The following SHANK2 variants were observed in gnomAD, a reference collection of about 807,000 sequenced individuals.
The protein encoded by SHANK2 is SH3 and multiple ankyrin repeat domains protein 2.
SHANK2 carries 43 observed loss-of-function variants against 133.7 expected under a neutral mutation model. The observed-to-expected ratio is 0.32, with a 90% CI of 0.25 to 0.41. SHANK2 has a LOEUF of 0.41. Ranked by LOEUF, SHANK2 falls within the 10% of genes least tolerant of loss-of-function variation. SHANK2 has a pLI of 1.00. For synonymous variants in SHANK2, 1,017 were observed against 952.8 expected (o/e 1.07, Z -1.24); for missense variants, 1,994 against 2,235.8 (o/e 0.89, Z 2.18).
intron 17 of SHANK2, among the ~76,000 whole-genome samples, chr11:70,657,872 G>C (rs2061422693): frequency 6.6e-6 from 1 of 152,178 alleles, no homozygotes; most frequent in South Asian, 2.1e-4. Context: ...CGACAGGACA[G>C]GTCCACCTTC....
In SHANK2 at chr11:70,551,333, G is replaced by A. The variant is rs573751621; in HGVS notation, c.2062-48402C>T. Reference sequence around the variant, plus strand: ...GCTGCCCCTCCCCCTCCCTCCCACCGCCTCCCCCATCTCCACCCGGCCAGT... The same window carrying A: ...GCTGCCCCTCCCCCTCCCTCCCACCACCTCCCCCATCTCCACCCGGCCAGT... On this transcript the variant is annotated intron_variant, in intron 17 of 25. Transcript: ENST00000601538. 4.8e-4 allele frequency among the ~76,000 whole-genome samples: 38 copies of A among 79,312 alleles called. No individual in the cohort carries two copies. In the East Asian group the frequency reaches 0.012, roughly 25 times the overall value. The allele number at this position is 79,312 out of a possible 152,430, so 52.0% of individuals were successfully genotyped here.
chr11:71,096,595 C>T (rs1389343122), intron 6 of SHANK2, among the ~76,000 whole-genome samples: 3 of 152,068 alleles, frequency 2.0e-5, no homozygotes, highest in Non-Finnish European at 4.4e-5. Flanking sequence ...GACTGATCCT[C>T]GAAGGGCACG....
At chr11:70,742,797 C>T (rs1395829698) in intron 14 of SHANK2, among the ~76,000 whole-genome samples, 1 of 152,212 alleles carries the variant, frequency 6.6e-6, no homozygotes, top group Non-Finnish European at 1.5e-5. Flanking sequence ...GCAGGCATGG[C>T]CACTCCCTGC....
At position 70,826,629 on chromosome 11, in the gene SHANK2, T is replaced by G. The variant is rs774701333; in HGVS notation, c.1175-5947A>C. The G allele has an allele frequency of 1.6e-5, 7 of 449,808 alleles. No individual in the cohort carries two copies. The Admixed American group carries it at 1.7e-4, about 11-fold the overall frequency. 27.9% of individuals were successfully genotyped at this position (449,808 alleles called of 1,614,324 possible). A position where few individuals can be genotyped will look rare whatever the true frequency, so the allele number is the denominator to read the frequency against. ...GACCCGGGGAGAGGTGGCGGGTGTC[T>G]GGGCACGGTGCACTTCCGAGCATAG... On this transcript the variant is annotated intron_variant, in intron 11 of 25. Coordinates refer to ENST00000601538, the MANE Select transcript of SHANK2 (RefSeq NM_012309.5).
intron 7 of SHANK2, 63 bp from the exon 8 acceptor site, chr11:71,092,652 G>C: frequency 6.7e-7 from 1 of 1,502,392 alleles, no homozygotes; most frequent in Non-Finnish European, 9.0e-7. Flanking sequence ...AGAGTGAGGT[G>C]ATCCAGAAAG....
intron 15 of SHANK2, among the ~76,000 whole-genome samples, chr11:70,683,540 TA>T (rs1338980952): frequency 3.3e-5 from 5 of 152,200 alleles, no homozygotes; most frequent in African/African-American, 4.8e-5. Context: ...CCGGGTGGTT[TA>T]AACAGCAGAA....
In SHANK2 at chr11:70,486,296, C is replaced by T. The variant is rs782616036; in HGVS notation, c.3997G>A (p.Glu1333Lys). The part of the protein sequence containing the change: ...KLDNALQEED[E>K]KAEVEMKPDS... Reference sequence around the variant, plus strand: ...GGCTTCATCTCCACCTCTGCCTTCTCGTCCTCTTCCTGCAGGGCGTTGTCC... The same window carrying T: ...GGCTTCATCTCCACCTCTGCCTTCTTGTCCTCTTCCTGCAGGGCGTTGTCC... Residue 1333 changes from glutamate to lysine, a missense_variant, in exon 25 of 26, where the codon GAG (glutamate) becomes AAG (lysine). By Grantham distance (56) the Glu-to-Lys change is moderately conservative. Coordinates refer to ENST00000601538, the MANE Select transcript of SHANK2 (RefSeq NM_012309.5). The surrounding 1 kb of genome is among the most constrained non-coding windows in gnomAD (Gnocchi z 8.0). The T allele has an allele frequency of 2.5e-6, 4 of 1,613,898 alleles. No individual in the cohort carries two copies. Among genetic ancestry groups the T allele is most frequent in the African/African-American group, 1.3e-5 (1 of 74,936 alleles).
chr11:70,514,552 AAC>A (rs2059242877), intron 17 of SHANK2, among the ~76,000 whole-genome samples: 1 of 152,120 alleles, frequency 6.6e-6, no homozygotes, highest in South Asian at 2.1e-4. Context: ...GTGTAGATGT[AAC>A]ACACATGACA....
In SHANK2 at chr11:71,143,348, G is replaced by C. The variant is rs186539588; in HGVS notation, c.207+3772C>G. Among the ~76,000 whole-genome samples, 20 of 152,330 alleles carry C rather than the reference G, an allele frequency of 1.3e-4. No individual in the cohort carries two copies. In the East Asian group the frequency reaches 1.7e-3, roughly 13 times the overall value. ...CCAATCCTCACTATTCATGAATTTT[G>C]TATTGGGGTATGCCTACTTGCTAAA... On this transcript the variant is annotated intron_variant, in intron 3 of 25. Transcript: ENST00000601538.
At chr11:71,211,121 T>C (rs1954269428) in intron 2 of SHANK2, among the ~76,000 whole-genome samples, 1 of 150,538 alleles carries the variant, frequency 6.6e-6, no homozygotes, top group Non-Finnish European at 1.5e-5. Context: ...ACAGGCCCCG[T>C]GGCTACTCCA....
At chr11:70,771,547 T>C (rs1169945876) in intron 14 of SHANK2, among the ~76,000 whole-genome samples, 1 of 151,940 alleles carries the variant, frequency 6.6e-6, no homozygotes, top group Non-Finnish European at 1.5e-5. Context: ...AGTGGGTGGG[T>C]ATCCATCGGG....
intron 2 of SHANK2, among the ~76,000 whole-genome samples, chr11:71,157,778 A>G (rs1206263816): frequency 3.9e-5 from 6 of 152,254 alleles, no homozygotes; most frequent in South Asian, 2.1e-4. Context: ...TGGCCTACCC[A>G]TCTCACAGTT....
intron 3 of SHANK2, among the ~76,000 whole-genome samples, chr11:71,145,745 T>A (rs1169291281): frequency 6.6e-6 from 1 of 152,108 alleles, no homozygotes; most frequent in Non-Finnish European, 1.5e-5. Context: ...GCATGATGCT[T>A]CCCCGATCTC....
chr11:71,236,189 G>A (rs1555123714), intron 1 of SHANK2, among the ~76,000 whole-genome samples: 2 of 152,194 alleles, frequency 1.3e-5, no homozygotes. Flanking sequence ...GGCCAGAGAA[G>A]GCAACGGGGC....
chr11:70,815,499 C>G (rs529689527), intron 12 of SHANK2, among the ~76,000 whole-genome samples: 2 of 152,200 alleles, frequency 1.3e-5, no homozygotes, highest in Non-Finnish European at 2.9e-5. Context: ...ATCCACAGAT[C>G]GGCCCCCTCA....
intron 10 of SHANK2, among the ~76,000 whole-genome samples, chr11:70,914,702 T>C (rs1202996472): frequency 6.8e-6 from 1 of 147,106 alleles, no homozygotes; most frequent in African/African-American, 2.5e-5. Flanking sequence ...TAAAATAAAA[T>C]AAAATAAAAT....
chr11:70,502,385 G>T, intron 18 of SHANK2, 99 bp from the exon 19 acceptor site: 1 of 1,099,570 alleles, frequency 9.1e-7, no homozygotes, highest in Non-Finnish European at 1.3e-6. Flanking sequence ...GTGGGTCTCA[G>T]GCTGTTTGGC....
At chr11:71,198,578 T>C (rs782766203) in intron 2 of SHANK2, among the ~76,000 whole-genome samples, 18 of 152,006 alleles carry the variant, frequency 1.2e-4, no homozygotes, top group Admixed American at 3.3e-4. Flanking sequence ...CTGTGAGGGG[T>C]GAGACCACAG....
chr11:70,672,404 T>C (rs1555016308), intron 15 of SHANK2, among the ~76,000 whole-genome samples: 2 of 152,208 alleles, frequency 1.3e-5, no homozygotes, highest in African/African-American at 4.8e-5. Flanking sequence ...TTCTCCACCA[T>C]GGCTAAGACC....
Sources: gnomAD v4.1 joint callset for allele counts (sites outside exome capture counted in the v4.1 genomes callset) on GRCh38, gnomAD v4.1.1 for gene constraint, Gnocchi (gnomAD v3.1) non-coding constraint, MANE v1.5 for transcripts, NCBI Gene and HGNC (gene_info 2026-07-23, HGNC 2026-07-21) for gene names.